The following SUPT3H variants were observed in gnomAD, a reference collection of about 807,000 sequenced individuals.
SUPT3H encodes transcription initiation protein SPT3 homolog.
In SUPT3H, 44 loss-of-function variants were observed where a neutral mutation model predicts 44.3. The observed-to-expected ratio is 0.99, with a 90% confidence interval of 0.78 to 1.28. The LOEUF is 1.28. SUPT3H is among the 50% of genes most tolerant of loss of function. SUPT3H has a pLI of 0.00. For missense variants in SUPT3H, 380 were observed against 387.1 expected (o/e 0.98, Z 0.15); for synonymous variants, 124 against 125.6 (o/e 0.99, Z 0.09).
At chr6:45,249,569 C>G (rs1253501345) in intron 2 of SUPT3H, among the ~76,000 whole-genome samples, 1 of 152,114 alleles carries the variant, frequency 6.6e-6, no homozygotes, top group African/African-American at 2.4e-5. Flanking sequence ...CAGCAACAAT[C>G]AAGAAGCTGT....
At chr6:44,902,728 T>C (rs1313388394) in intron 10 of SUPT3H, among the ~76,000 whole-genome samples, 1 of 152,142 alleles carries the variant, frequency 6.6e-6, no homozygotes, top group Non-Finnish European at 1.5e-5. Flanking sequence ...AGAATATACA[T>C]TCTTCTCAGC....
intron 2 of SUPT3H, among the ~76,000 whole-genome samples, chr6:45,274,044 G>T (rs569075208): frequency 6.6e-6 from 1 of 152,284 alleles, no homozygotes; most frequent in South Asian, 2.1e-4. Context: ...TTTGCCAATA[G>T]CTAATGACAT....
At chr6:44,815,667 C>G (rs893097443) in intron 11 of SUPT3H, among the ~76,000 whole-genome samples, 8 of 151,950 alleles carry the variant, frequency 5.3e-5, no homozygotes, top group African/African-American at 1.4e-4. Context: ...AACAGAACTT[C>G]AAAATATACT....
intron 3 of SUPT3H, among the ~76,000 whole-genome samples, chr6:45,059,652 T>G (rs548971841): frequency 3.9e-5 from 6 of 152,224 alleles, no homozygotes; most frequent in African/African-American, 1.2e-4. Context: ...AAATTATCTT[T>G]GTTTGCAGAT....
intron 2 of SUPT3H, among the ~76,000 whole-genome samples, chr6:45,225,717 G>C (rs1766825500): frequency 6.6e-6 from 1 of 152,074 alleles, no homozygotes; most frequent in South Asian, 2.1e-4. Context: ...CTTTTTAACA[G>C]AGTCTGCTGT....
chr6:45,239,463 A>G (rs1769869728), intron 2 of SUPT3H, among the ~76,000 whole-genome samples: 1 of 152,252 alleles, frequency 6.6e-6, no homozygotes, highest in Non-Finnish European at 1.5e-5. Context: ...AGTGATGCCC[A>G]ACTTGCCAAA....
chr6:45,198,402 C>T (rs1441980347), intron 2 of SUPT3H, among the ~76,000 whole-genome samples: 1 of 151,306 alleles, frequency 6.6e-6, no homozygotes, highest in Admixed American at 6.6e-5. Flanking sequence ...ATGGAACACA[C>T]AAGCCTTGCA....
intron 2 of SUPT3H, among the ~76,000 whole-genome samples, chr6:45,141,384 A>C (rs1027986771): frequency 6.7e-6 from 1 of 148,154 alleles, no homozygotes; most frequent in Non-Finnish European, 1.5e-5. Flanking sequence ...CAGAAGGTTG[A>C]TTATTAAGCT....
Position 45,014,842 on chromosome 6 carries a change from G to C in SUPT3H, c.323C>G (p.Ser108Ter). ...LKYMFIRDYKSKIVKGIDEDD... is the reference protein window; with the variant it reads ...LKYMFIRDYK ...CTCATCGATGCCTTTGACAATCTTTGATTTGTAGTCTCGGATAAACATGTA... is the reference window on the plus strand; with the variant it reads ...CTCATCGATGCCTTTGACAATCTTTCATTTGTAGTCTCGGATAAACATGTA... The change falls in exon 5 of 11, where the codon TCA becomes TGA. Residue 108 changes from serine (S) to a stop codon, truncating the protein, a stop_gained. Coordinates refer to ENST00000371459, the MANE Select transcript of SUPT3H (RefSeq NM_003599.4). LOFTEE classifies it high-confidence loss of function. 6.3e-7 allele frequency: 1 copy of C among 1,593,142 alleles called. No individual in the cohort carries two copies. The highest frequency in any genetic ancestry group is 2.3e-5 in the East Asian group (1 of 43,900).
Position 44,957,435 on chromosome 6 carries a change from C to G in SUPT3H, c.581-2828G>C, listed in dbSNP as rs1775377477. On this transcript the variant is annotated intron_variant, in intron 7 of 10. Transcript: ENST00000371459. ...AGTATGCTGCGATAGCTCACAAACA[C>G]TTGTTTAACATCTGTGGAATACTTC... Among the ~76,000 whole-genome samples the G allele has an allele frequency of 2.0e-5, 3 of 152,122 alleles. No homozygotes were observed. In the South Asian group the frequency reaches 6.2e-4, roughly 32 times the overall value.
At chr6:45,156,997 T>G (rs1171725166) in intron 2 of SUPT3H, among the ~76,000 whole-genome samples, 2 of 152,144 alleles carry the variant, frequency 1.3e-5, no homozygotes, top group Admixed American at 1.3e-4. Flanking sequence ...ATCTGTTGAT[T>G]TGATCAGAGA....
At chr6:45,141,717 A>G (rs1805248943) in intron 2 of SUPT3H, among the ~76,000 whole-genome samples, 1 of 152,216 alleles carries the variant, frequency 6.6e-6, no homozygotes, top group South Asian at 2.1e-4. Flanking sequence ...ACAAGTCGTG[A>G]GATTAAAACA....
intron 2 of SUPT3H, among the ~76,000 whole-genome samples, chr6:45,309,882 C>T (rs1431087229): frequency 6.6e-6 from 1 of 152,030 alleles, no homozygotes; most frequent in Non-Finnish European, 1.5e-5. Context: ...AAAATGTCCA[C>T]CAAGAATAGT....
intron 10 of SUPT3H, among the ~76,000 whole-genome samples, chr6:44,896,940 G>T (rs758036675): frequency 5.0e-4 from 76 of 152,276 alleles, no homozygotes; most frequent in Non-Finnish European, 9.7e-4. Context: ...AGGGCACTGT[G>T]CCAAAGCGCC....
intron 2 of SUPT3H, among the ~76,000 whole-genome samples, chr6:45,230,298 A>T (rs1314763791): frequency 6.6e-6 from 1 of 152,134 alleles, no homozygotes; most frequent in African/African-American, 2.4e-5. Flanking sequence ...CTCTGTCTAG[A>T]TGACCTGCCT....
At chr6:44,956,949 C>T (rs546923865) in intron 7 of SUPT3H, among the ~76,000 whole-genome samples, 31 of 152,244 alleles carry the variant, frequency 2.0e-4, no homozygotes, top group African/African-American at 7.5e-4. Flanking sequence ...TGTAATAGTA[C>T]CAAGCATATA....
In SUPT3H at chr6:44,879,983, A is replaced by G. The variant is rs1582167411; in HGVS notation, c.913-50126T>C. Among the ~76,000 whole-genome samples the G allele has an allele frequency of 2.0e-5, 3 of 152,208 alleles. No individual in the cohort carries two copies. In the East Asian group the frequency reaches 5.8e-4, roughly 29 times the overall value. On this transcript the variant is annotated intron_variant, in intron 10 of 10. Coordinates refer to ENST00000371459, the MANE Select transcript of SUPT3H (RefSeq NM_003599.4). The stretch of plus-strand genomic sequence containing the variant: ...CACGAAGATGAGAAAAAAGTAGAGC[A>G]AAAAGGCTGAAAATTCCAAAAACCA...
intron 2 of SUPT3H, among the ~76,000 whole-genome samples, chr6:45,129,390 T>C (rs954081503): frequency 6.6e-6 from 1 of 152,236 alleles, no homozygotes; most frequent in African/African-American, 2.4e-5. Flanking sequence ...GTATAGGATA[T>C]TGAAGATCTG....
At position 45,354,630 on chromosome 6, in the gene SUPT3H, T is replaced by TAC. The variant is rs35189031; in HGVS notation, c.101+10569_101+10570dup. Among the ~76,000 whole-genome samples the TAC allele has an allele frequency of 4.9e-3, 737 of 149,910 alleles. 6 individuals carry two copies. The highest frequency in any genetic ancestry group is 0.011 in the African/African-American group (436 of 40,812). On this transcript the variant is annotated intron_variant, in intron 2 of 10. Transcript: ENST00000371459. ...GTAACTACACAAATGCACGCACACA[T>TAC]ACACACACACACACACACACACAGT...
Sources: allele counts gnomAD v4.1 joint callset (sites outside exome capture counted in the v4.1 genomes callset), GRCh38; gene constraint gnomAD v4.1.1; transcripts MANE v1.5; gene names NCBI Gene and HGNC (gene_info 2026-07-23, HGNC 2026-07-21).